Variants in SLC14A2 observed in about 807,000 individuals in gnomAD.
SLC14A2 encodes solute carrier family 14 member 2, also known as urea transporter 2.
In SLC14A2, 91 loss-of-function variants were observed where a neutral mutation model predicts 104.6. That is an observed-to-expected ratio of 0.87 (90% CI 0.73 to 1.04). The LOEUF is 1.04. Ranked by LOEUF, SLC14A2 falls within the 50% of genes least tolerant of loss-of-function variation. SLC14A2 has a pLI of 0.00. For synonymous variants in SLC14A2, 476 were observed against 466.4 expected (o/e 1.02, Z -0.27); for missense variants, 1,189 against 1,156.0 (o/e 1.03, Z -0.41).
chr18:45,640,032 G>T, intron 7 of SLC14A2, 139 bp downstream of exon 7: 1 of 802,190 alleles, frequency 1.2e-6, no homozygotes, highest in Non-Finnish European at 1.9e-6. Context: ...GGTGACTTAT[G>T]CCTGTAATCC....
At chr18:45,668,234 G>A (rs2046064571) in intron 14 of SLC14A2, 115 bp from the exon 15 acceptor site, 1 of 1,390,858 alleles carries the variant, frequency 7.2e-7, no homozygotes, top group Admixed American at 2.1e-5. Context: ...CAGAAGGGTG[G>A]TCTATTTGAA....
chr18:45,202,317 A>AG, the SLC14A2 span, among the ~76,000 whole-genome samples: 1 of 152,162 alleles, frequency 6.6e-6, no homozygotes, highest in Non-Finnish European at 1.5e-5. Context: ...TGAGGCTTAA[A>AG]GGGAGTTGAT....
chr18:45,575,806 T>C (rs1400138917), intron 2 of SLC14A2, among the ~76,000 whole-genome samples: 20 of 151,730 alleles, frequency 1.3e-4, no homozygotes, highest in Admixed American at 1.1e-3. Context: ...TTTTTTTTCT[T>C]CCCACTTTTT....
chr18:45,458,481 G>T (rs2086984538), intron 1 of SLC14A2, among the ~76,000 whole-genome samples: 1 of 152,066 alleles, frequency 6.6e-6, no homozygotes. Flanking sequence ...GGCTGTGTGG[G>T]CTCCACACTC....
chr18:45,293,280 A>G (rs943531424), intron 1 of SLC14A2, among the ~76,000 whole-genome samples: 2 of 152,146 alleles, frequency 1.3e-5, no homozygotes, highest in African/African-American at 4.8e-5. Flanking sequence ...TCATTCATTC[A>G]TTCATGTATT....
the SLC14A2 span, among the ~76,000 whole-genome samples, chr18:45,203,742 A>T: frequency 1.3e-5 from 2 of 152,192 alleles, no homozygotes; most frequent in Non-Finnish European, 2.9e-5. Flanking sequence ...TCCAACACCA[A>T]TTTAGATTAT....
At chr18:45,441,492 G>A (rs748259587) in intron 1 of SLC14A2, among the ~76,000 whole-genome samples, 2 of 152,222 alleles carry the variant, frequency 1.3e-5, no homozygotes, top group East Asian at 3.8e-4. Context: ...ACTCCTAAGT[G>A]TGGGACCACC....
intron 1 of SLC14A2, among the ~76,000 whole-genome samples, chr18:45,290,223 G>A (rs1019507615): frequency 6.6e-6 from 1 of 152,126 alleles, no homozygotes; most frequent in African/African-American, 2.4e-5. Context: ...AATGAATATG[G>A]TACCCAATAG....
chr18:45,346,392 G>C (rs537248695), intron 1 of SLC14A2, among the ~76,000 whole-genome samples: 2 of 152,188 alleles, frequency 1.3e-5, no homozygotes, highest in East Asian at 3.9e-4. Context: ...CCTGACCTCA[G>C]GGGACCTACC....
intron 18 of SLC14A2, 48 bp from the exon 19 acceptor site, chr18:45,678,927 A>G (rs369085023): frequency 3.3e-6 from 5 of 1,527,214 alleles, no homozygotes; most frequent in Non-Finnish European, 4.5e-6. Context: ...TTGAGGTGCT[A>G]TTAAATAGTT....
chr18:45,347,748 C>T (rs113478662), intron 1 of SLC14A2, among the ~76,000 whole-genome samples: 5 of 152,328 alleles, frequency 3.3e-5, no homozygotes, highest in African/African-American at 1.2e-4. Context: ...AGTCCCCACT[C>T]ACCAACTACT....
chr18:45,238,213 T>C (rs1038908291), intron 1 of SLC14A2, among the ~76,000 whole-genome samples: 8 of 152,240 alleles, frequency 5.3e-5, no homozygotes, highest in Non-Finnish European at 1.2e-4. Context: ...GTTTCCGGCA[T>C]GTCCATTCAT....
chr18:45,531,355 G>T (rs1425263696), intron 2 of SLC14A2, among the ~76,000 whole-genome samples: 1 of 152,138 alleles, frequency 6.6e-6, no homozygotes, highest in African/African-American at 2.4e-5. Context: ...ATCCTCTCCA[G>T]CACCTGTTGT....
chr18:45,517,590 C>T (rs1040681281), intron 2 of SLC14A2, among the ~76,000 whole-genome samples: 3 of 152,122 alleles, frequency 2.0e-5, no homozygotes, highest in Non-Finnish European at 2.9e-5. Flanking sequence ...TCCAGCTTGC[C>T]GAATTTGCTT....
At chr18:45,675,837 T>C (rs2046222414) in intron 18 of SLC14A2, among the ~76,000 whole-genome samples, 1 of 151,092 alleles carries the variant, frequency 6.6e-6, no homozygotes, top group African/African-American at 2.4e-5. Context: ...AAAGAAGAAG[T>C]TGAGGCCATC....
chr18:45,528,111 G>A (rs1477292299), intron 2 of SLC14A2: 2 of 137,726 alleles, frequency 1.5e-5, no homozygotes, highest in Non-Finnish European at 3.1e-5. Flanking sequence ...TGTGGAACAG[G>A]TTTGGTTTCA....
chr18:45,214,077 A>G (rs937321455), intron 1 of SLC14A2, among the ~76,000 whole-genome samples: 6 of 152,230 alleles, frequency 3.9e-5, no homozygotes, highest in Non-Finnish European at 7.3e-5. Context: ...GATGAGGTTC[A>G]TTGCTAGATA....
At chr18:45,568,621 G>A (rs1189815612) in intron 2 of SLC14A2, among the ~76,000 whole-genome samples, 1 of 152,222 alleles carries the variant, frequency 6.6e-6, no homozygotes, top group Non-Finnish European at 1.5e-5. Flanking sequence ...CTTGGCATGA[G>A]GTACCAGCAA....
intron 2 of SLC14A2, among the ~76,000 whole-genome samples, chr18:45,578,550 G>A (rs1015924228): frequency 6.6e-6 from 1 of 152,166 alleles, no homozygotes; most frequent in East Asian, 1.9e-4. Flanking sequence ...AAAGGTACAG[G>A]GTTCTAGGGC....
Sources: allele counts gnomAD v4.1 joint callset (sites outside exome capture counted in the v4.1 genomes callset), GRCh38; gene constraint gnomAD v4.1.1; transcripts MANE v1.5; gene names NCBI Gene and HGNC (gene_info 2026-07-23, HGNC 2026-07-21).